SYNDIG1L: variants seen among roughly 807,000 people sequenced by gnomAD.
SYNDIG1L encodes synapse differentiation-inducing gene protein 1-like.
A neutral mutation model predicts 20.1 loss-of-function variants in SYNDIG1L; 13 were observed. The ratio of observed to expected loss-of-function variants is 0.65; its 90% CI spans 0.42 to 1.03. The LOEUF is 1.03. SYNDIG1L is among the 50% of genes least tolerant of loss of function. SYNDIG1L has a pLI of 0.00. For synonymous variants in SYNDIG1L, 128 were observed against 129.3 expected, an observed-to-expected ratio of 0.99 and a Z score of 0.07; for missense variants, 294 against 305.1, an observed-to-expected ratio of 0.96 and a Z score of 0.27.
chr14:74,446,494 A>C, the SYNDIG1L span, among the ~76,000 whole-genome samples: 3 of 152,222 alleles, frequency 2.0e-5, no homozygotes, highest in African/African-American at 4.8e-5. Flanking sequence ...ACTATACAAA[A>C]TACTATGCAG....
chr14:74,422,978 C>T (rs556815157), intron 1 of SYNDIG1L, among the ~76,000 whole-genome samples: 2 of 152,262 alleles, frequency 1.3e-5, no homozygotes, highest in South Asian at 2.1e-4. Flanking sequence ...GGATTACAGA[C>T]GTGAGCCACT....
the SYNDIG1L span, among the ~76,000 whole-genome samples, chr14:74,473,178 G>A: frequency 6.6e-6 from 1 of 152,060 alleles, no homozygotes; most frequent in Non-Finnish European, 1.5e-5. Flanking sequence ...TTGATGTCAG[G>A]AGTTTAAGAC....
At chr14:74,479,470 A>G in the SYNDIG1L span, 1 of 152,426 alleles carries the variant, frequency 6.6e-6, no homozygotes, top group African/African-American at 2.4e-5. Flanking sequence ...GTGGCAAAAT[A>G]TATGCCCATG....
At chr14:74,454,855 G>A in the SYNDIG1L span, among the ~76,000 whole-genome samples, 1 of 152,180 alleles carries the variant, frequency 6.6e-6, no homozygotes, top group Non-Finnish European at 1.5e-5. Context: ...CTATTGTGAG[G>A]TTTAATTGTA....
chr14:74,477,800 C>A, the SYNDIG1L span, among the ~76,000 whole-genome samples: 161 of 152,304 alleles, frequency 1.1e-3, no homozygotes, highest in South Asian at 2.5e-3. Flanking sequence ...GCCTCCAAAA[C>A]CTGCTCCGTG....
chr14:74,470,394 G>A, the SYNDIG1L span, among the ~76,000 whole-genome samples: 1 of 152,112 alleles, frequency 6.6e-6, no homozygotes, highest in Non-Finnish European at 1.5e-5. Context: ...TCCTGGGGTG[G>A]TTGACTGGAT....
At chr14:74,451,349 T>C in the SYNDIG1L span, among the ~76,000 whole-genome samples, 2 of 152,192 alleles carry the variant, frequency 1.3e-5, no homozygotes, top group Admixed American at 6.5e-5. Context: ...GCTGAAACAA[T>C]TGGATGTCCA....
rs746036118 is a variant in SYNDIG1L at position 74,408,002 on chromosome 14, G to A, written c.418-13C>T. The A allele has an allele frequency of 6.2e-7, 1 of 1,601,112 alleles. No individual in the cohort carries two copies. Among genetic ancestry groups the A allele is most frequent in the Admixed American group, 1.7e-5 (1 of 58,292 alleles). On this transcript the variant is annotated splice_polypyrimidine_tract_variant and intron_variant, in intron 2 of 3. Transcript: ENST00000331628. ...AAGTGGCATCGCTCTGCAAAACAGTGGAGTTTGGTGACCAGGCCCAGGATC... is the reference window on the plus strand; with the variant it reads ...AAGTGGCATCGCTCTGCAAAACAGTAGAGTTTGGTGACCAGGCCCAGGATC...
the SYNDIG1L span, among the ~76,000 whole-genome samples, chr14:74,466,145 A>G: frequency 6.6e-6 from 1 of 152,060 alleles, no homozygotes; most frequent in African/African-American, 2.4e-5. Flanking sequence ...CCTCAATTCT[A>G]TCTTTAGCTC....
the SYNDIG1L span, among the ~76,000 whole-genome samples, chr14:74,442,920 C>T: frequency 1.3e-4 from 20 of 152,096 alleles, no homozygotes; most frequent in African/African-American, 4.6e-4. Flanking sequence ...AGAGGGACTC[C>T]CAGAGGAGCA....
chr14:74,414,293 C>T (rs1455152600), intron 1 of SYNDIG1L, among the ~76,000 whole-genome samples: 1 of 152,164 alleles, frequency 6.6e-6, no homozygotes, highest in Non-Finnish European at 1.5e-5. Flanking sequence ...TCCAGAGGAA[C>T]TATATGAGAG....
chr14:74,442,117 C>CT, the SYNDIG1L span, among the ~76,000 whole-genome samples: 18 of 148,736 alleles, frequency 1.2e-4, no homozygotes, highest in Admixed American at 2.7e-4. Flanking sequence ...AAAATAGTAC[C>CT]TTTTTTTTTT....
the SYNDIG1L span, among the ~76,000 whole-genome samples, chr14:74,432,853 CA>C: frequency 3.0e-4 from 41 of 138,054 alleles, no homozygotes; most frequent in Admixed American, 2.9e-4. Context: ...GATTCTGTCT[CA>C]AAAAAAAAAA....
the SYNDIG1L span, among the ~76,000 whole-genome samples, chr14:74,431,327 A>G: frequency 2.0e-5 from 3 of 152,064 alleles, no homozygotes; most frequent in Non-Finnish European, 4.4e-5. Flanking sequence ...CTCTGTGTAA[A>G]GGGAAGAACT....
At chr14:74,447,449 T>C in the SYNDIG1L span, among the ~76,000 whole-genome samples, 1 of 151,494 alleles carries the variant, frequency 6.6e-6, no homozygotes, top group African/African-American at 2.4e-5. Flanking sequence ...TAGCTGAGAG[T>C]GGTGGCGCAC....
chr14:74,454,892 A>G, the SYNDIG1L span, among the ~76,000 whole-genome samples: 105 of 152,338 alleles, frequency 6.9e-4, no homozygotes, highest in African/African-American at 2.4e-3. Context: ...GGTTATAGTT[A>G]CTCAATCAAA....
chr14:74,457,169 C>T, the SYNDIG1L span, among the ~76,000 whole-genome samples: 2 of 152,126 alleles, frequency 1.3e-5, no homozygotes, highest in African/African-American at 4.8e-5. Context: ...CTCAGAAAAC[C>T]AGGTCAGGTG....
intron 1 of SYNDIG1L, among the ~76,000 whole-genome samples, chr14:74,421,329 A>T (rs563410047): frequency 6.6e-6 from 1 of 152,312 alleles, no homozygotes; most frequent in South Asian, 2.1e-4. Context: ...AAGTAAATGA[A>T]ATTATCTAAG....
chr14:74,476,626 C>A, the SYNDIG1L span: 10 of 1,495,336 alleles, frequency 6.7e-6, no homozygotes, highest in Non-Finnish European at 9.0e-6. Context: ...TGTTCTTCTG[C>A]CCCAGTCGAG....
Sources: allele counts gnomAD v4.1 joint callset (sites outside exome capture counted in the v4.1 genomes callset), GRCh38; gene constraint gnomAD v4.1.1; transcripts MANE v1.5; gene names NCBI Gene and HGNC (gene_info 2026-07-23, HGNC 2026-07-21).